The following CADM2 variants were observed in gnomAD, a reference collection of about 807,000 sequenced individuals.
CADM2 encodes cell adhesion molecule 2.
In CADM2, 12 loss-of-function variants were observed where a neutral mutation model predicts 49.8. The ratio of observed to expected loss-of-function variants is 0.24; its 90% CI spans 0.15 to 0.39. The LOEUF is 0.39. CADM2 is among the 10% of genes least tolerant of loss of function. CADM2 has a pLI of 1.00. For missense variants in CADM2, 378 were observed against 492.3 expected (o/e 0.77, Z 2.20); for synonymous variants, 214 against 175.4 (o/e 1.22, Z -1.74).
At chr3:85,549,621 G>T (rs1418758279) in intron 1 of CADM2, among the ~76,000 whole-genome samples, 1 of 151,506 alleles carries the variant, frequency 6.6e-6, no homozygotes, top group African/African-American at 2.4e-5. Context: ...ATATTTAAAG[G>T]TATTTATTTA....
chr3:85,008,458 T>C (rs1348965432), intron 1 of CADM2, among the ~76,000 whole-genome samples: 1 of 152,068 alleles, frequency 6.6e-6, no homozygotes, highest in Non-Finnish European at 1.5e-5. Context: ...GCGCTTTAGT[T>C]AAACCATAAA....
chr3:85,683,336 A>G (rs1047395186), intron 1 of CADM2, among the ~76,000 whole-genome samples: 1 of 152,132 alleles, frequency 6.6e-6, no homozygotes, highest in Non-Finnish European at 1.5e-5. Flanking sequence ...ATTGTTCTTT[A>G]TGGTTGTCTG....
chr3:85,073,220 A>G (rs532344975), intron 1 of CADM2, among the ~76,000 whole-genome samples: 172 of 152,278 alleles, frequency 1.1e-3, no homozygotes, highest in African/African-American at 3.9e-3. Context: ...GAGATAGTGC[A>G]TACAACTTAT....
At chr3:85,422,742 G>T (rs941860464) in intron 1 of CADM2, among the ~76,000 whole-genome samples, 1 of 152,072 alleles carries the variant, frequency 6.6e-6, no homozygotes, top group Non-Finnish European at 1.5e-5. Context: ...GGCAACTGGG[G>T]TGTGTCTTTT....
chr3:85,511,835 G>A (rs2040631087), intron 1 of CADM2: 2 of 974,024 alleles, frequency 2.1e-6, no homozygotes, highest in South Asian at 4.7e-5. Flanking sequence ...CTAATGGCAT[G>A]TTTTATTTCT....
chr3:85,763,776 T>C (rs1488757120), intron 2 of CADM2, among the ~76,000 whole-genome samples: 3 of 152,148 alleles, frequency 2.0e-5, no homozygotes, highest in Non-Finnish European at 4.4e-5. Flanking sequence ...ATCTAGTCAT[T>C]AGGCTGGAGA....
At chr3:85,884,642 A>G (rs1713289921) in intron 4 of CADM2, among the ~76,000 whole-genome samples, 1 of 151,734 alleles carries the variant, frequency 6.6e-6, no homozygotes, top group Admixed American at 6.6e-5. Flanking sequence ...TGTTAAGAGG[A>G]GTTATGTTAA....
chr3:85,267,769 C>T (rs892489580), intron 1 of CADM2, among the ~76,000 whole-genome samples: 5 of 151,344 alleles, frequency 3.3e-5, no homozygotes, highest in African/African-American at 1.2e-4. Flanking sequence ...TTAGTGATAA[C>T]AATAGCCAAT....
intron 8 of CADM2, among the ~76,000 whole-genome samples, chr3:86,065,338 G>A (rs1029151574): frequency 3.3e-5 from 5 of 152,244 alleles, no homozygotes; most frequent in Non-Finnish European, 5.9e-5. Flanking sequence ...AAGGTCTATA[G>A]CTATACAAAA....
rs569158602 is a variant in CADM2 at position 85,595,233 on chromosome 3, G to T, written c.62-131289G>T. Among the ~76,000 whole-genome samples the T allele has an allele frequency of 2.0e-4, 30 of 152,064 alleles. No homozygotes were observed. The South Asian group carries it at 5.8e-3, about 29-fold the overall frequency. On this transcript the variant is annotated intron_variant, in intron 1 of 9. Coordinates refer to ENST00000383699, the MANE Select transcript of CADM2 (RefSeq NM_001167675.2). ...TGAAATCAGAGGGTTTCATCTATTA[G>T]AGTAGATGGGTATGGAGGTGCCCTA...
intron 1 of CADM2, among the ~76,000 whole-genome samples, chr3:85,234,091 AC>A (rs1396746390): frequency 1.3e-5 from 2 of 152,050 alleles, no homozygotes; most frequent in East Asian, 3.9e-4. Context: ...CAGATAGGTT[AC>A]CTGAGTTATA....
intron 1 of CADM2, among the ~76,000 whole-genome samples, chr3:85,499,167 A>C (rs963012066): frequency 6.6e-6 from 1 of 152,180 alleles, no homozygotes; most frequent in African/African-American, 2.4e-5. Flanking sequence ...ACAATGAAAA[A>C]ACAAAGCATA....
At chr3:85,109,459 A>G (rs2038371010) in intron 1 of CADM2, among the ~76,000 whole-genome samples, 1 of 151,894 alleles carries the variant, frequency 6.6e-6, no homozygotes, top group African/African-American at 2.4e-5. Context: ...TAGGGGGGGA[A>G]ATAGTAAAGA....
At chr3:85,706,257 T>G (rs1262279836) in intron 1 of CADM2, among the ~76,000 whole-genome samples, 1 of 152,212 alleles carries the variant, frequency 6.6e-6, no homozygotes, top group East Asian at 1.9e-4. Context: ...TATCATGGGT[T>G]GCTCCCAATT....
At chr3:85,231,297 A>G (rs1329373520) in intron 1 of CADM2, among the ~76,000 whole-genome samples, 1 of 152,150 alleles carries the variant, frequency 6.6e-6, no homozygotes, top group Non-Finnish European at 1.5e-5. Context: ...TTATAAGAGG[A>G]TGAAGCTTTG....
At chr3:85,513,405 T>C (rs879770257) in intron 1 of CADM2, among the ~76,000 whole-genome samples, 1 of 151,982 alleles carries the variant, frequency 6.6e-6, no homozygotes, top group Non-Finnish European at 1.5e-5. Context: ...TTTATAATAG[T>C]TTGATAGTAA....
chr3:85,069,111 A>G (rs1266136130), intron 1 of CADM2, among the ~76,000 whole-genome samples: 1 of 151,912 alleles, frequency 6.6e-6, no homozygotes, highest in Non-Finnish European at 1.5e-5. Context: ...TTTCCCCTCT[A>G]TTTCAGGACC....
intron 3 of CADM2, among the ~76,000 whole-genome samples, chr3:85,807,497 C>T (rs2072514064): frequency 1.1e-5 from 1 of 89,586 alleles, no homozygotes; most frequent in African/African-American, 8.0e-5. Context: ...GAAACTCCGT[C>T]TCAAAAAAAA....
chr3:85,041,205 A>T lies in CADM2; in HGVS notation c.61+81537A>T, dbSNP rs539311281. ...AAAGCAAATTGCTATATCTGATTTCATGTGAACGCCAAGTTGCTTAGCAAC... is the reference window on the plus strand; with the variant it reads ...AAAGCAAATTGCTATATCTGATTTCTTGTGAACGCCAAGTTGCTTAGCAAC... On this transcript the variant is annotated intron_variant, in intron 1 of 9. Transcript: ENST00000383699. 9.2e-5 allele frequency among the ~76,000 whole-genome samples: 14 copies of T among 152,280 alleles called. No homozygotes were observed. In the East Asian group the frequency reaches 1.9e-3, roughly 21 times the overall value.
Sources: allele counts gnomAD v4.1 joint callset (sites outside exome capture counted in the v4.1 genomes callset), GRCh38; gene constraint gnomAD v4.1.1; transcripts MANE v1.5; gene names NCBI Gene and HGNC (gene_info 2026-07-23, HGNC 2026-07-21).